EXOC6B: variants seen among roughly 807,000 people sequenced by gnomAD.
EXOC6B encodes the protein exocyst complex component 6B, also known as SEC15 homolog B.
EXOC6B carries 54 observed loss-of-function variants against 113.5 expected under a neutral mutation model. That is an observed-to-expected ratio of 0.48 (90% CI 0.38 to 0.60). EXOC6B has a LOEUF of 0.60. Ranked by LOEUF, EXOC6B falls within the 20% of genes least tolerant of loss-of-function variation. The pLI is 0.00. For missense variants in EXOC6B, 797 were observed against 977.5 expected (o/e 0.82, Z 2.46); for synonymous variants, 357 against 339.0 (o/e 1.05, Z -0.58).
chr2:72,546,429 G>A lies in EXOC6B; in HGVS notation c.915+13024C>T, dbSNP rs367713689. On this transcript the variant is annotated intron_variant, in intron 8 of 21. Coordinates refer to ENST00000272427, the MANE Select transcript of EXOC6B (RefSeq NM_015189.3). ...TGCACTCCAGCCTGGGCGACAGAGC[G>A]AGACTCCATCTCCAAAAAAAAGAGA... 5.3e-5 allele frequency among the ~76,000 whole-genome samples: 8 copies of A among 152,238 alleles called. No homozygotes were observed. The East Asian group carries it at 5.8e-4, about 11-fold the overall frequency.
At chr2:72,224,625 A>G (rs975573880) in intron 20 of EXOC6B, among the ~76,000 whole-genome samples, 4 of 150,628 alleles carry the variant, frequency 2.7e-5, no homozygotes, top group African/African-American at 1.0e-4. Context: ...CATATTGAGA[A>G]TTATCACTGC....
At chr2:72,370,163 A>G (rs1690908384) in intron 19 of EXOC6B, among the ~76,000 whole-genome samples, 1 of 152,194 alleles carries the variant, frequency 6.6e-6, no homozygotes, top group South Asian at 2.1e-4. Context: ...ACAAATTTAC[A>G]AGAAAAAAAC....
chr2:72,800,964 C>A (rs1389915050), intron 1 of EXOC6B, among the ~76,000 whole-genome samples: 1 of 152,104 alleles, frequency 6.6e-6, no homozygotes, highest in African/African-American at 2.4e-5. Context: ...GTGGTGATTA[C>A]AAATAACCAG....
chr2:72,514,766 G>A lies in EXOC6B; in HGVS notation c.1000-86C>T, dbSNP rs1701130310. Reference sequence around the variant, plus strand: ...AAAATCAGTCACTTAATCTCTTAAGGCTCAGCTCCCTAGATGATATCTGAT... The same window carrying A: ...AAAATCAGTCACTTAATCTCTTAAGACTCAGCTCCCTAGATGATATCTGAT... On this transcript the variant is annotated intron_variant, in intron 9 of 21. Transcript: ENST00000272427. The A allele has an allele frequency of 8.9e-6, 7 of 787,202 alleles. No individual in the cohort carries two copies. In the Admixed American group the frequency reaches 1.7e-4, roughly 19 times the overall value. The allele number at this position is 787,202 out of a possible 1,614,324, so 48.8% of individuals were successfully genotyped here.
intron 20 of EXOC6B, among the ~76,000 whole-genome samples, chr2:72,305,904 G>C (rs1476863094): frequency 6.6e-6 from 1 of 151,990 alleles, no homozygotes; most frequent in East Asian, 1.9e-4. Context: ...GAAATAAAAG[G>C]GTTACAATCT....
At chr2:72,559,772 C>T (rs1245948453) in intron 7 of EXOC6B, among the ~76,000 whole-genome samples, 3 of 152,172 alleles carry the variant, frequency 2.0e-5, no homozygotes, top group African/African-American at 7.2e-5. Flanking sequence ...CAAAGAGAAA[C>T]AGGTGGCACC....
chr2:72,493,344 C>A (rs1699860204), intron 15 of EXOC6B, among the ~76,000 whole-genome samples: 1 of 128,472 alleles, frequency 7.8e-6, no homozygotes, highest in Non-Finnish European at 1.5e-5. Flanking sequence ...CGCATTTTTA[C>A]ATAGGAAGCA....
chr2:72,456,778 A>G (rs1697260331), intron 18 of EXOC6B, among the ~76,000 whole-genome samples: 1 of 152,088 alleles, frequency 6.6e-6, no homozygotes, highest in Non-Finnish European at 1.5e-5. Flanking sequence ...TTTAATTACC[A>G]TTGTCTCCTT....
intron 20 of EXOC6B, among the ~76,000 whole-genome samples, chr2:72,217,215 AT>A (rs1284114183): frequency 2.0e-5 from 3 of 152,202 alleles, no homozygotes; most frequent in African/African-American, 7.2e-5. Flanking sequence ...TAATACCAAT[AT>A]TCACAGGTCA....
chr2:72,182,022 A>G (rs1469468635), intron 21 of EXOC6B, among the ~76,000 whole-genome samples: 1 of 152,168 alleles, frequency 6.6e-6, no homozygotes, highest in South Asian at 2.1e-4. Flanking sequence ...GTTGAAAAGG[A>G]GAGTCAAGAT....
intron 11 of EXOC6B, among the ~76,000 whole-genome samples, chr2:72,506,584 A>T (rs1372209713): frequency 1.3e-5 from 2 of 152,184 alleles, no homozygotes; most frequent in Non-Finnish European, 2.9e-5. Flanking sequence ...TAAGACTTAA[A>T]TGAATATCTT....
intron 18 of EXOC6B, among the ~76,000 whole-genome samples, chr2:72,413,017 G>A (rs1230771294): frequency 6.6e-6 from 1 of 151,946 alleles, no homozygotes; most frequent in African/African-American, 2.4e-5. Flanking sequence ...GGAGTGCAGT[G>A]GCGCGATCTC....
intron 8 of EXOC6B, among the ~76,000 whole-genome samples, chr2:72,558,762 T>C (rs1321252813): frequency 6.6e-6 from 1 of 151,156 alleles, no homozygotes; most frequent in Non-Finnish European, 1.5e-5. Context: ...AGAGCAAAAC[T>C]CTGTCTCAAA....
intron 6 of EXOC6B, among the ~76,000 whole-genome samples, chr2:72,582,539 AT>A (rs34910450): frequency 6.1e-5 from 9 of 148,504 alleles, no homozygotes; most frequent in South Asian, 2.1e-4. Context: ...GAAGTACAGA[AT>A]TTTTTTTTTT....
chr2:72,531,998 A>T (rs918092476), intron 8 of EXOC6B, among the ~76,000 whole-genome samples: 3 of 152,252 alleles, frequency 2.0e-5, no homozygotes, highest in Admixed American at 1.3e-4. Context: ...AAAAAATAAA[A>T]ATAAAAATAA....
At chr2:72,768,378 G>A (rs989968647) in intron 1 of EXOC6B, among the ~76,000 whole-genome samples, 3 of 141,594 alleles carry the variant, frequency 2.1e-5, no homozygotes, top group African/African-American at 5.2e-5. Context: ...TGCAACCTCC[G>A]CCTACCGGGT....
At chr2:72,420,275 A>C (rs897891331) in intron 18 of EXOC6B, among the ~76,000 whole-genome samples, 10 of 152,032 alleles carry the variant, frequency 6.6e-5, no homozygotes, top group African/African-American at 2.4e-4. Flanking sequence ...TCTGGGGTAC[A>C]TGTGCAGAAT....
intron 8 of EXOC6B, among the ~76,000 whole-genome samples, chr2:72,536,358 C>A (rs1403797209): frequency 1.3e-5 from 2 of 151,704 alleles, no homozygotes; most frequent in Admixed American, 1.3e-4. Flanking sequence ...TACTTTGATC[C>A]CCCCAGCATC....
intron 11 of EXOC6B, among the ~76,000 whole-genome samples, chr2:72,507,265 A>T (rs1312934863): frequency 6.6e-6 from 1 of 152,134 alleles, no homozygotes. Flanking sequence ...TACTACTAAT[A>T]AAATAAATAG....
Sources: gnomAD v4.1 joint callset for allele counts (sites outside exome capture counted in the v4.1 genomes callset) on GRCh38, gnomAD v4.1.1 for gene constraint, MANE v1.5 for transcripts, NCBI Gene and HGNC (gene_info 2026-07-23, HGNC 2026-07-21) for gene names.